LRRTM4: variants seen among roughly 807,000 people sequenced by gnomAD.
LRRTM4 encodes the protein leucine-rich repeat transmembrane neuronal protein 4.
A neutral mutation model predicts 47.6 loss-of-function variants in LRRTM4; 25 were observed. That is an observed-to-expected ratio of 0.53 (90% CI 0.38 to 0.73). The LOEUF is 0.73. LRRTM4 is among the 30% of genes least tolerant of loss of function. LRRTM4 has a pLI of 0.00. For missense variants in LRRTM4, 638 were observed against 713.4 expected (o/e 0.89, Z 1.20); for synonymous variants, 311 against 269.5 (o/e 1.15, Z -1.51).
intron 3 of LRRTM4, among the ~76,000 whole-genome samples, chr2:77,014,190 G>A (rs762124032): frequency 1.3e-5 from 2 of 152,090 alleles, no homozygotes; most frequent in Non-Finnish European, 2.9e-5. Context: ...AGTATACAAA[G>A]GCAAACAAGG....
intron 3 of LRRTM4, among the ~76,000 whole-genome samples, chr2:76,826,280 T>C (rs1671188230): frequency 6.6e-6 from 1 of 151,638 alleles, no homozygotes; most frequent in Admixed American, 6.6e-5. Flanking sequence ...AGCCAAGAAG[T>C]AGCTTAATAG....
chr2:77,191,127 A>C (rs1408956064), intron 3 of LRRTM4, among the ~76,000 whole-genome samples: 1 of 152,182 alleles, frequency 6.6e-6, no homozygotes, highest in Non-Finnish European at 1.5e-5. Flanking sequence ...TGATTATGTA[A>C]GAGAGCAAAG....
intron 3 of LRRTM4, among the ~76,000 whole-genome samples, chr2:76,863,140 C>T (rs544274614): frequency 3.3e-5 from 5 of 152,216 alleles, no homozygotes; most frequent in African/African-American, 1.2e-4. Context: ...GTGGACTTGT[C>T]CATTTCCCCC....
Position 77,090,190 on chromosome 2 carries a change from T to A in LRRTM4, c.1552-341274A>T, listed in dbSNP as rs566035146. On this transcript the variant is annotated intron_variant, in intron 3 of 3. Coordinates refer to ENST00000409884, the MANE Select transcript of LRRTM4 (RefSeq NM_001134745.3). ...TTCGTTCCGTGACTAGCCCTCCCCG[T>A]CCTGCCCAGCAATTTACTCTTAAAA... Among the ~76,000 whole-genome samples, 330 of 152,252 alleles carry A rather than the reference T, an allele frequency of 2.2e-3. 2 individuals carry two copies. The highest frequency in any genetic ancestry group is 5.9e-3 in the Admixed American group (90 of 15,290).
At chr2:77,048,268 A>C (rs1320043302) in intron 3 of LRRTM4, among the ~76,000 whole-genome samples, 1 of 152,042 alleles carries the variant, frequency 6.6e-6, no homozygotes, top group African/African-American at 2.4e-5. Context: ...CAGAATGGTC[A>C]GCTGAAGTAT....
intron 3 of LRRTM4, among the ~76,000 whole-genome samples, chr2:77,018,194 AT>A (rs949782820): frequency 1.9e-4 from 24 of 129,124 alleles, no homozygotes; most frequent in Middle Eastern, 5.0e-3. Flanking sequence ...CCAAAGAAAA[AT>A]TTTTTTTGTT....
intron 3 of LRRTM4, among the ~76,000 whole-genome samples, chr2:77,069,871 G>A (rs576914108): frequency 6.6e-6 from 1 of 152,218 alleles, no homozygotes; most frequent in Non-Finnish European, 1.5e-5. Flanking sequence ...CCCAGCTTTT[G>A]GCTTGTCTTT....
intron 3 of LRRTM4, among the ~76,000 whole-genome samples, chr2:77,423,614 T>C (rs527584392): frequency 6.6e-6 from 1 of 152,292 alleles, no homozygotes; most frequent in East Asian, 1.9e-4. Flanking sequence ...AAGCACCATA[T>C]CTGAGGGCCA....
chr2:77,227,519 G>A (rs75237777), intron 3 of LRRTM4, among the ~76,000 whole-genome samples: 5,703 of 152,068 alleles, frequency 0.038, 370 homozygotes, highest in African/African-American at 0.13. Flanking sequence ...TAATCAAGGA[G>A]TTTGGTTGTA....
At chr2:77,001,500 C>T (rs1364258579) in intron 3 of LRRTM4, among the ~76,000 whole-genome samples, 1 of 152,128 alleles carries the variant, frequency 6.6e-6, no homozygotes, top group African/African-American at 2.4e-5. Flanking sequence ...CATTCCTTTT[C>T]TCTGCATGAG....
chr2:77,341,361 T>C (rs971330769), intron 3 of LRRTM4, among the ~76,000 whole-genome samples: 3 of 151,972 alleles, frequency 2.0e-5, no homozygotes, highest in Admixed American at 6.6e-5. Flanking sequence ...GTCTGGTATA[T>C]ACCCCCTCCA....
intron 3 of LRRTM4, among the ~76,000 whole-genome samples, chr2:76,999,608 T>C (rs17406091): frequency 0.17 from 25,377 of 152,084 alleles, 2,201 homozygotes; most frequent in Admixed American, 0.21. Context: ...CATGCGAAAT[T>C]TCTCCAGCTT....
At chr2:77,434,176 C>T (rs1675497313) in intron 3 of LRRTM4, among the ~76,000 whole-genome samples, 1 of 151,506 alleles carries the variant, frequency 6.6e-6, no homozygotes. Context: ...TAGAGAGTGA[C>T]ATCAGCGTTA....
chr2:77,456,689 C>T (rs1676554331), intron 3 of LRRTM4, among the ~76,000 whole-genome samples: 2 of 151,962 alleles, frequency 1.3e-5, no homozygotes, highest in South Asian at 2.1e-4. Context: ...CATCTTTCAC[C>T]TCTCTACTCT....
Position 76,785,528 on chromosome 2 carries a change from G to C in LRRTM4, c.1552-36612C>G, listed in dbSNP as rs111311738. ...AACTTTTTAGTGGTAATCCAGGAAG[G>C]ATCTTCAATTTAACTTGGAAGGTGT... On this transcript the variant is annotated intron_variant, in intron 3 of 3. Coordinates refer to ENST00000409884, the MANE Select transcript of LRRTM4 (RefSeq NM_001134745.3). Among the ~76,000 whole-genome samples the C allele has an allele frequency of 5.8e-3, 878 of 152,160 alleles. 8 individuals carry two copies. Among genetic ancestry groups the C allele is most frequent in the African/African-American group, 0.019 (800 of 41,526 alleles).
chr2:77,145,865 CT>C (rs1672246345), intron 3 of LRRTM4, among the ~76,000 whole-genome samples: 3 of 151,862 alleles, frequency 2.0e-5, no homozygotes, highest in African/African-American at 7.2e-5. Flanking sequence ...AGCTTGAGAG[CT>C]TTTTTAAAAA....
At chr2:77,257,914 G>C (rs1251459124) in intron 3 of LRRTM4, among the ~76,000 whole-genome samples, 2 of 151,898 alleles carry the variant, frequency 1.3e-5, no homozygotes, top group South Asian at 4.1e-4. Flanking sequence ...GACCAACATG[G>C]AGAAACCCCG....
chr2:76,864,675 A>T (rs1672414230), intron 3 of LRRTM4, among the ~76,000 whole-genome samples: 1 of 151,834 alleles, frequency 6.6e-6, no homozygotes, highest in South Asian at 2.1e-4. Context: ...AAAAAAAAAA[A>T]ATGAAGTGAT....
At chr2:77,346,648 T>C (rs1222279217) in intron 3 of LRRTM4, among the ~76,000 whole-genome samples, 2 of 152,086 alleles carry the variant, frequency 1.3e-5, no homozygotes, top group African/African-American at 2.4e-5. Context: ...AAAATAATCA[T>C]GGATATAGAC....
Sources: gnomAD v4.1 joint callset for allele counts (sites outside exome capture counted in the v4.1 genomes callset) on GRCh38, gnomAD v4.1.1 for gene constraint, MANE v1.5 for transcripts, NCBI Gene and HGNC (gene_info 2026-07-23, HGNC 2026-07-21) for gene names.